The following RAPH1 variants were observed in gnomAD, a reference collection of about 807,000 sequenced individuals.
The protein encoded by RAPH1 is ras-associated and pleckstrin homology domains-containing protein 1.
A neutral mutation model predicts 88.1 loss-of-function variants in RAPH1; 18 were observed. The ratio of observed to expected loss-of-function variants is 0.20; its 90% CI spans 0.14 to 0.30. RAPH1 has a LOEUF of 0.30. Among genes scored for constraint, RAPH1 ranks in the 10% least tolerant of loss-of-function variants. The pLI is 1.00. For synonymous variants in RAPH1, 587 were observed against 559.0 expected (o/e 1.05, Z -0.71); for missense variants, 1,448 against 1,543.2 (o/e 0.94, Z 1.03).
In RAPH1 at chr2:203,434,040, A is replaced by ATATATATCTATCTATCTATCTATCTATC. The variant is rs71408937; in HGVS notation, c.*5396_*5397insGATAGATAGATAGATAGATAGATATATA. 1.4e-5 allele frequency: 2 copies of ATATATATCTATCTATCTATCTATCTATC among 145,398 alleles called. No individual in the cohort carries two copies. Among genetic ancestry groups the ATATATATCTATCTATCTATCTATCTATC allele is most frequent in the East Asian group, 3.9e-4 (2 of 5,076 alleles). The allele number at this position is 145,398 out of a possible 1,614,324, so 9.0% of individuals were successfully genotyped here. A position where few individuals can be genotyped will look rare whatever the true frequency, so the allele number is the denominator to read the frequency against. On this transcript the variant is annotated 3_prime_UTR_variant, in exon 14 of 14. Coordinates refer to ENST00000319170, the MANE Select transcript of RAPH1 (RefSeq NM_213589.3). Reference sequence around the variant, plus strand: ...GTAGTACTGAATATATCTCTCTCATATATCTATCTATCTATCTATATATAT... The same window carrying ATATATATCTATCTATCTATCTATCTATC: ...GTAGTACTGAATATATCTCTCTCATATATATATCTATCTATCTATCTATCTATCTATCTATCTATCTATCTATATATAT...
At chr2:203,524,643 G>A (rs1690035554) in intron 1 of RAPH1, among the ~76,000 whole-genome samples, 2 of 152,290 alleles carry the variant, frequency 1.3e-5, no homozygotes, top group East Asian at 1.9e-4. Flanking sequence ...ACAAGACACT[G>A]TATGATTCCA....
intron 1 of RAPH1, among the ~76,000 whole-genome samples, chr2:203,525,941 G>GA (rs1009660202): frequency 5.9e-5 from 9 of 152,066 alleles, no homozygotes; most frequent in African/African-American, 1.2e-4. Context: ...CAGAGAGAAG[G>GA]AAAAGATAAA....
chr2:203,498,624 T>C (rs1688614790), intron 1 of RAPH1, among the ~76,000 whole-genome samples: 1 of 152,164 alleles, frequency 6.6e-6, no homozygotes, highest in African/African-American at 2.4e-5. Context: ...CCACATTAGA[T>C]ATCATTTAAA....
rs1373392016 is a variant in RAPH1 at position 203,439,561 on chromosome 2, A to C, written c.3629T>G (p.Leu1210Arg). The C allele has an allele frequency of 6.2e-7, 1 of 1,614,178 alleles. No homozygotes were observed. Among genetic ancestry groups the C allele is most frequent in the Non-Finnish European group, 8.5e-7 (1 of 1,180,024 alleles). The change falls in exon 14 of 14, where the codon CTG (leucine) becomes CGG (arginine). Residue 1210 changes from leucine to arginine, a missense_variant. Coordinates refer to ENST00000319170, the MANE Select transcript of RAPH1 (RefSeq NM_213589.3). ...MALPPPPPEL[L>R]SDQQKAGYGG... ...GTAACCAGCCTTCTGTTGATCAGAC[A>C]GCAGTTCAGGGGGTGGTGGAGGCAA...
At chr2:203,496,483 A>G (rs1322175242) in intron 1 of RAPH1, among the ~76,000 whole-genome samples, 1 of 152,240 alleles carries the variant, frequency 6.6e-6, no homozygotes, top group Non-Finnish European at 1.5e-5. Flanking sequence ...ATAAATATAA[A>G]TATTTCAATA....
chr2:203,459,426 T>C (rs191349085), intron 7 of RAPH1, among the ~76,000 whole-genome samples: 20 of 152,330 alleles, frequency 1.3e-4, no homozygotes, highest in African/African-American at 4.6e-4. Context: ...TAAGGAAAGA[T>C]GTCAAATAAA....
intron 1 of RAPH1, among the ~76,000 whole-genome samples, chr2:203,504,690 G>A (rs1440529299): frequency 6.7e-6 from 1 of 149,270 alleles, no homozygotes; most frequent in Non-Finnish European, 1.5e-5. Context: ...AAAAAAGTTT[G>A]TCTTTTCTAC....
At chr2:203,470,750 C>T (rs988252711) in intron 4 of RAPH1, among the ~76,000 whole-genome samples, 2 of 152,174 alleles carry the variant, frequency 1.3e-5, no homozygotes, top group African/African-American at 2.4e-5. Context: ...TAGAATAAGA[C>T]GACATCATTT....
intron 1 of RAPH1, among the ~76,000 whole-genome samples, chr2:203,534,273 C>A (rs1690512524): frequency 6.6e-6 from 1 of 152,150 alleles, no homozygotes; most frequent in African/African-American, 2.4e-5. Flanking sequence ...AACGGATCTT[C>A]CCAAAGAATT....
intron 1 of RAPH1, among the ~76,000 whole-genome samples, chr2:203,506,764 A>C (rs1470828467): frequency 1.8e-4 from 23 of 129,332 alleles, no homozygotes; most frequent in African/African-American, 3.9e-4. Context: ...ATATCTATAT[A>C]TATATCTATA....
chr2:203,467,512 T>C (rs1462144680), intron 4 of RAPH1, among the ~76,000 whole-genome samples: 1 of 151,734 alleles, frequency 6.6e-6, no homozygotes, highest in East Asian at 2.0e-4. Flanking sequence ...GGCAGGAGAA[T>C]TCCTTGAACC....
chr2:203,470,292 T>C (rs764989685), intron 4 of RAPH1: 4 of 1,610,886 alleles, frequency 2.5e-6, no homozygotes, highest in Non-Finnish European at 3.4e-6. Flanking sequence ...AGAAGGGAGG[T>C]TTCCCTGTCC....
At position 203,441,083 on chromosome 2, in the gene RAPH1, C is replaced by T. The variant is rs374770127; in HGVS notation, c.2107G>A (p.Val703Ile). ...QSQSVKPQIL[V>I]PPNGVVPPPP... The stretch of plus-strand genomic sequence containing the variant: ...GGTGGAACAACTCCATTGGGGGGTA[C>T]CAGGATCTGAGGCTTCACTGACTGT... Residue 703 changes from valine to isoleucine, a missense_variant, in exon 14 of 14, where the codon GTA becomes ATA. This residue lies in a region of RAPH1 where 935 missense variants were observed against 890.1 expected (regional missense o/e 1.05). Coordinates refer to ENST00000319170, the MANE Select transcript of RAPH1 (RefSeq NM_213589.3). 6.3e-7 allele frequency: 1 copy of T among 1,584,594 alleles called. No individual in the cohort carries two copies. The highest frequency in any genetic ancestry group is 1.4e-5 in the African/African-American group (1 of 72,150).
Position 203,441,135 on chromosome 2 carries a change from C to G in RAPH1, c.2055G>C (p.Lys685Asn). 1 of 1,612,536 alleles carries G rather than the reference C, an allele frequency of 6.2e-7. No homozygotes were observed. The highest frequency in any genetic ancestry group is 8.5e-7 in the Non-Finnish European group (1 of 1,179,636). Residue 685 changes from lysine (K) to asparagine (N), a missense_variant, in exon 14 of 14, where the codon AAG becomes AAC. By Grantham distance (94) the Lys-to-Asn change is moderately conservative (BLOSUM62 0). This residue lies in a region of RAPH1 where 935 missense variants were observed against 890.1 expected (regional missense o/e 1.05). Coordinates refer to ENST00000319170, the MANE Select transcript of RAPH1 (RefSeq NM_213589.3). ...ACTGCATCACTGGGGGTGTTGGCGG[C>G]TTAAACAGGGCCCCTGAATGCTGAG... The part of the protein sequence containing the change: ...NASQHSGALF[K>N]PPTPPVMQSQ...
intron 4 of RAPH1, among the ~76,000 whole-genome samples, chr2:203,485,802 C>G (rs761081427): frequency 1.3e-5 from 2 of 152,000 alleles, no homozygotes; most frequent in Admixed American, 6.6e-5. Context: ...CTACTGACAT[C>G]TAGTGTGTAC....
intron 4 of RAPH1, among the ~76,000 whole-genome samples, chr2:203,468,070 T>C (rs888092793): frequency 2.6e-5 from 4 of 152,198 alleles, no homozygotes; most frequent in Non-Finnish European, 5.9e-5. Flanking sequence ...TGACCATGTT[T>C]ATCCAAAACT....
At chr2:203,532,021 C>A (rs1345697726) in intron 1 of RAPH1, among the ~76,000 whole-genome samples, 2 of 152,116 alleles carry the variant, frequency 1.3e-5, no homozygotes, top group African/African-American at 4.8e-5. Context: ...TATATACATA[C>A]AACGGAATAT....
At chr2:203,512,151 G>A (rs1305542774) in intron 1 of RAPH1, among the ~76,000 whole-genome samples, 4 of 150,934 alleles carry the variant, frequency 2.7e-5, no homozygotes. Flanking sequence ...ATGGGCCAGG[G>A]GTGGTGGTGG....
Position 203,440,465 on chromosome 2 carries a change from T to A in RAPH1, c.2725A>T (p.Ile909Phe). The A allele has an allele frequency of 1.3e-6, 2 of 1,540,474 alleles. No individual in the cohort carries two copies. Among genetic ancestry groups the A allele is most frequent in the East Asian group, 2.3e-5 (1 of 44,332 alleles). Reference sequence around the variant, plus strand: ...GGGAAGTCCGGAGAAGGGACTGGGATGGAGCTGGGCTGCCACTTGGGCTTT... The same window carrying A: ...GGGAAGTCCGGAGAAGGGACTGGGAAGGAGCTGGGCTGCCACTTGGGCTTT... Reference protein sequence around the residue: ...KAKPKWQPSSIPVPSPDFPPP... With the variant: ...KAKPKWQPSSFPVPSPDFPPP... The change falls in exon 14 of 14, where the codon ATC becomes TTC. Residue 909 changes from isoleucine to phenylalanine, a missense_variant. Ile to Phe is a conservative substitution (Grantham distance 21, BLOSUM62 0). Coordinates refer to ENST00000319170, the MANE Select transcript of RAPH1 (RefSeq NM_213589.3).
Sources: allele counts gnomAD v4.1 joint callset (sites outside exome capture counted in the v4.1 genomes callset), GRCh38; gene constraint gnomAD v4.1.1; regional missense constraint gnomAD v4.1.1; transcripts MANE v1.5; gene names NCBI Gene and HGNC (gene_info 2026-07-23, HGNC 2026-07-21).